Variants in ARHGAP6 observed in about 807,000 individuals in gnomAD.
ARHGAP6 encodes the protein rho GTPase-activating protein 6.
A neutral mutation model predicts 55.7 loss-of-function variants in ARHGAP6; 16 were observed. That is an observed-to-expected ratio of 0.29 (90% CI 0.19 to 0.44). The LOEUF (loss-of-function observed/expected upper bound fraction) is 0.44. Among genes scored for constraint, ARHGAP6 ranks in the 20% least tolerant of loss-of-function variants. ARHGAP6 has a pLI of 1.00. For synonymous variants in ARHGAP6, 382 were observed against 360.9 expected (o/e 1.06, Z -0.66); for missense variants, 698 against 808.9 (o/e 0.86, Z 1.66).
intron 1 of ARHGAP6, among the ~76,000 whole-genome samples, chrX:11,354,533 T>G (rs1229711229): frequency 9.2e-6 from 1 of 108,492 alleles, no homozygotes; most frequent in East Asian, 2.9e-4. Flanking sequence ...TACATAGTTC[T>G]CTATGTAGAA....
At chrX:11,164,841 G>A (rs1317888022) in intron 9 of ARHGAP6, among the ~76,000 whole-genome samples, 1 of 112,582 alleles carries the variant, frequency 8.9e-6, no homozygotes, top group African/African-American at 3.2e-5. Context: ...CTGCTCTGAA[G>A]TTCTTACTAA....
At chrX:11,542,973 C>T (rs747189536) in intron 1 of ARHGAP6, among the ~76,000 whole-genome samples, 3 of 111,591 alleles carry the variant, frequency 2.7e-5, no homozygotes, top group Non-Finnish European at 5.6e-5. Flanking sequence ...GACCATGAGT[C>T]GACACCCAGA....
intron 1 of ARHGAP6, among the ~76,000 whole-genome samples, chrX:11,616,002 G>A (rs934579603): frequency 9.0e-6 from 1 of 111,629 alleles, no homozygotes; most frequent in Non-Finnish European, 1.9e-5. Context: ...TTGAAATTTG[G>A]CCCACAGTGT....
chrX:11,442,439 G>C (rs2050049025), intron 1 of ARHGAP6, among the ~76,000 whole-genome samples: 1 of 111,319 alleles, frequency 9.0e-6, no homozygotes, highest in Non-Finnish European at 1.9e-5. Flanking sequence ...ATAAGACTGG[G>C]CAGCCAGTCA....
intron 1 of ARHGAP6, among the ~76,000 whole-genome samples, chrX:11,599,858 A>T (rs893607163): frequency 8.9e-6 from 1 of 112,333 alleles, no homozygotes; most frequent in African/African-American, 3.2e-5. Context: ...CACAATGTAT[A>T]TGTATATCAA....
intron 2 of ARHGAP6, among the ~76,000 whole-genome samples, chrX:11,242,140 C>T (rs778820501): frequency 3.6e-4 from 40 of 111,627 alleles, no homozygotes; most frequent in Non-Finnish European, 5.1e-4. Context: ...ATATCATCTT[C>T]AAGAGGAGAA....
chrX:11,263,456 G>A (rs1323317632), intron 1 of ARHGAP6, among the ~76,000 whole-genome samples: 2 of 111,796 alleles, frequency 1.8e-5, no homozygotes, highest in African/African-American at 6.5e-5. Flanking sequence ...ACCTAACACA[G>A]CATCTTAACT....
intron 1 of ARHGAP6, among the ~76,000 whole-genome samples, chrX:11,589,287 C>T (rs867571351): frequency 9.2e-6 from 1 of 109,116 alleles, no homozygotes; most frequent in Non-Finnish European, 1.9e-5. Context: ...AGTAATCCTC[C>T]CGCCTCGGCC....
intron 1 of ARHGAP6, among the ~76,000 whole-genome samples, chrX:11,337,280 T>G (rs2147645782): frequency 9.0e-6 from 1 of 111,730 alleles, no homozygotes; most frequent in South Asian, 3.7e-4. Context: ...TTATATACTA[T>G]ATATATAATA....
chrX:11,224,669 G>A (rs1051084426), intron 2 of ARHGAP6, among the ~76,000 whole-genome samples: 2 of 110,290 alleles, frequency 1.8e-5, no homozygotes, highest in Non-Finnish European at 3.8e-5. Flanking sequence ...TGGAGGGGGG[G>A]CGGTTATGAT....
At chrX:11,340,320 GC>G (rs1342405391) in intron 1 of ARHGAP6, among the ~76,000 whole-genome samples, 1 of 111,643 alleles carries the variant, frequency 9.0e-6, no homozygotes, top group East Asian at 2.8e-4. Context: ...TGTTCCCTCC[GC>G]CTGGAATGAT....
chrX:11,629,442 T>G (rs2052336086), intron 1 of ARHGAP6, among the ~76,000 whole-genome samples: 1 of 111,287 alleles, frequency 9.0e-6, no homozygotes, highest in African/African-American at 3.3e-5. Flanking sequence ...ATATTGATAT[T>G]TATAATGTAT....
At chrX:11,187,648 T>C (rs1484118870) in intron 4 of ARHGAP6, among the ~76,000 whole-genome samples, 2 of 111,721 alleles carry the variant, frequency 1.8e-5, no homozygotes, top group East Asian at 5.6e-4. Context: ...TAGGGGCTGA[T>C]TGAAAAATGT....
chrX:11,153,256 G>A (rs755355339), intron 10 of ARHGAP6, among the ~76,000 whole-genome samples: 2 of 110,455 alleles, frequency 1.8e-5, no homozygotes, highest in Admixed American at 1.9e-4. Context: ...GAGTGAGTGA[G>A]TTTAAAACAC....
chrX:11,449,279 C>A (rs1186896678), intron 1 of ARHGAP6, among the ~76,000 whole-genome samples: 2 of 112,102 alleles, frequency 1.8e-5, no homozygotes, highest in African/African-American at 3.2e-5. Context: ...TCGCAAGCCC[C>A]AATCCATATA....
At chrX:11,486,920 A>G (rs1304749521) in intron 1 of ARHGAP6, among the ~76,000 whole-genome samples, 1 of 111,846 alleles carries the variant, frequency 8.9e-6, no homozygotes, top group Non-Finnish European at 1.9e-5. Flanking sequence ...AGCCCAAGAA[A>G]GGTGAGCAAA....
At chrX:11,561,264 TA>T (rs1241075049) in intron 1 of ARHGAP6, among the ~76,000 whole-genome samples, 1 of 111,729 alleles carries the variant, frequency 9.0e-6, no homozygotes, top group Non-Finnish European at 1.9e-5. Context: ...TGGAACACTA[TA>T]AAACCCTTAA....
chrX:11,220,675 A>G (rs1339198221), intron 2 of ARHGAP6, among the ~76,000 whole-genome samples: 1 of 110,893 alleles, frequency 9.0e-6, no homozygotes, highest in Non-Finnish European at 1.9e-5. Flanking sequence ...CCGCTGCAAA[A>G]TCATGCCAAA....
At chrX:11,299,102 T>C in intron 1 of ARHGAP6, 1 of 868,592 alleles carries the variant, frequency 1.2e-6, no homozygotes. Flanking sequence ...TATGATTCTA[T>C]TAGTCCAAGC....
Sources: gnomAD v4.1 joint callset for allele counts (sites outside exome capture counted in the v4.1 genomes callset) on GRCh38, gnomAD v4.1.1 for gene constraint, MANE v1.5 for transcripts, NCBI Gene and HGNC (gene_info 2026-07-23, HGNC 2026-07-21) for gene names.